The following ECHDC1 variants were observed in gnomAD, a reference collection of about 807,000 sequenced individuals.
ECHDC1 encodes the protein ethylmalonyl-CoA decarboxylase.
A neutral mutation model predicts 29.7 loss-of-function variants in ECHDC1; 29 were observed. That is an observed-to-expected ratio of 0.98 (90% CI 0.73 to 1.33). ECHDC1 has a LOEUF of 1.33. ECHDC1 is among the 40% of genes most tolerant of loss of function. The pLI is 0.00. For missense variants in ECHDC1, 328 were observed against 350.0 expected, an observed-to-expected ratio of 0.94 and a Z score of 0.50; for synonymous variants, 126 against 123.1, an observed-to-expected ratio of 1.02 and a Z score of -0.15.
chr6:127,341,882 A>G (rs978087624), intron 1 of ECHDC1, among the ~76,000 whole-genome samples: 1 of 152,262 alleles, frequency 6.6e-6, no homozygotes, highest in African/African-American at 2.4e-5. Flanking sequence ...TTGATTTCAG[A>G]CTGTCTGTAT....
rs117185725 is a variant in ECHDC1, at chr6:127,325,143, C to G, written c.363+1859G>C. ...GTGATGTGATGAAAATAGAAGCTTA[C>G]CTCTGGTCTTTCTCTCAGAATCCCA... is the stretch of plus-strand genomic sequence containing the variant. On this transcript the variant is annotated intron_variant, in intron 3 of 5. Transcript: ENST00000454859. Among the ~76,000 whole-genome samples the G allele has an allele frequency of 2.1e-4, 32 of 152,316 alleles. 1 individual carries two copies. In the East Asian group the frequency reaches 6.2e-3, roughly 29 times the overall value.
intron 5 of ECHDC1, among the ~76,000 whole-genome samples, chr6:127,302,677 G>C (rs1206040703): frequency 6.6e-6 from 1 of 152,118 alleles, no homozygotes; most frequent in African/African-American, 2.4e-5. Flanking sequence ...TGGAATTACA[G>C]GCCTGACCCA....
chr6:127,317,561 C>T (rs6904065), intron 3 of ECHDC1, among the ~76,000 whole-genome samples: 1,541 of 152,074 alleles, frequency 0.01, 27 homozygotes, highest in African/African-American at 0.035. Context: ...AAAAAAATTG[C>T]ACTATTTGAC....
At chr6:127,340,399 T>A (rs774086945) in intron 1 of ECHDC1, among the ~76,000 whole-genome samples, 1 of 152,174 alleles carries the variant, frequency 6.6e-6, no homozygotes, top group Non-Finnish European at 1.5e-5. Context: ...TCCTCTCTCC[T>A]CTCTGCAACC....
chr6:127,340,124 T>A (rs1209265020), intron 1 of ECHDC1, among the ~76,000 whole-genome samples: 3 of 152,246 alleles, frequency 2.0e-5, no homozygotes, highest in Non-Finnish European at 4.4e-5. Context: ...TACAAAGTCA[T>A]TCTACATATC....
In ECHDC1 at chr6:127,326,990, T is replaced by C. The variant is rs756459884; in HGVS notation, c.363+12A>G. 2.5e-6 allele frequency: 4 copies of C among 1,611,218 alleles called. No individual in the cohort carries two copies. Among genetic ancestry groups the C allele is most frequent in the East Asian group, 2.2e-5 (1 of 44,840 alleles). On this transcript the variant is annotated intron_variant, in intron 3 of 5. Transcript: ENST00000454859. ...CATGTAGAATCAAATGCATAATTCATATAACACTTGCCTCTGGAGTTCCTA... is the reference window on the plus strand; with the variant it reads ...CATGTAGAATCAAATGCATAATTCACATAACACTTGCCTCTGGAGTTCCTA...
At chr6:127,301,030 A>AT (rs1781013943) in intron 5 of ECHDC1, among the ~76,000 whole-genome samples, 1 of 152,194 alleles carries the variant, frequency 6.6e-6, no homozygotes, top group African/African-American at 2.4e-5. Context: ...CCTCACATTA[A>AT]TTTTGTCACT....
At chr6:127,340,858 A>G (rs1784878566) in intron 1 of ECHDC1, among the ~76,000 whole-genome samples, 1 of 152,162 alleles carries the variant, frequency 6.6e-6, no homozygotes, top group South Asian at 2.1e-4. Flanking sequence ...GTGGGAAAGT[A>G]GAATCAGTAA....
chr6:127,306,112 A>G (rs1781418526), intron 5 of ECHDC1, among the ~76,000 whole-genome samples: 1 of 152,146 alleles, frequency 6.6e-6, no homozygotes, highest in Non-Finnish European at 1.5e-5. Context: ...ATGGAAAAAG[A>G]TATTCCATGA....
At chr6:127,318,088 A>G (rs1219303428) in intron 3 of ECHDC1, 4 of 152,238 alleles carry the variant, frequency 2.6e-5, no homozygotes, top group Non-Finnish European at 5.9e-5. Flanking sequence ...CTTATAGAAT[A>G]AAACCTAAAT....
At chr6:127,336,006 A>G (rs1456578293) in intron 1 of ECHDC1, among the ~76,000 whole-genome samples, 2 of 152,136 alleles carry the variant, frequency 1.3e-5, no homozygotes, top group Non-Finnish European at 2.9e-5. Flanking sequence ...CTAGAAAGCT[A>G]GAGGGAACAA....
rs1027710889 is a variant in ECHDC1 at position 127,326,935 on chromosome 6, T to TAA, written c.363+65_363+66dup. The TAA allele has an allele frequency of 2.5e-5, 37 of 1,501,326 alleles. No individual in the cohort carries two copies. In the African/African-American group the frequency reaches 4.5e-4, roughly 18 times the overall value. 93.0% of individuals were successfully genotyped at this position (1,501,326 alleles called of 1,614,324 possible). A position where few individuals can be genotyped will look rare whatever the true frequency, so the allele number is the denominator to read the frequency against. ...AGTCATCATAACCATTAGTAAAATATAAATGTATCTGCCATACATGTCTAA... is the reference window on the plus strand; with the variant it reads ...AGTCATCATAACCATTAGTAAAATATAAAAATGTATCTGCCATACATGTCTAA... On this transcript the variant is annotated intron_variant, in intron 3 of 5. Transcript: ENST00000454859.
chr6:127,340,663 G>A (rs1784852754), intron 1 of ECHDC1, among the ~76,000 whole-genome samples: 1 of 152,106 alleles, frequency 6.6e-6, no homozygotes, highest in Non-Finnish European at 1.5e-5. Flanking sequence ...GTGGGGCAGA[G>A]GCCCCAATTT....
At chr6:127,315,669 AT>A (rs1206424232) in intron 4 of ECHDC1, 3 of 277,406 alleles carry the variant, frequency 1.1e-5, no homozygotes, top group Non-Finnish European at 2.2e-5. Context: ...AGATTTATCT[AT>A]GAAAAAGTCA....
intron 2 of ECHDC1, among the ~76,000 whole-genome samples, chr6:127,329,633 A>G (rs1032094146): frequency 2.6e-5 from 4 of 152,182 alleles, no homozygotes; most frequent in Non-Finnish European, 4.4e-5. Flanking sequence ...TAAAATAAAT[A>G]CCAGATTTCA....
At chr6:127,342,105 AATC>A (rs1336696216) in intron 1 of ECHDC1, among the ~76,000 whole-genome samples, 1 of 152,194 alleles carries the variant, frequency 6.6e-6, no homozygotes, top group African/African-American at 2.4e-5. Flanking sequence ...AGTAACTTCA[AATC>A]ATCTCCTCTA....
chr6:127,305,001 G>C (rs1470136563), intron 5 of ECHDC1, among the ~76,000 whole-genome samples: 1 of 152,018 alleles, frequency 6.6e-6, no homozygotes, highest in East Asian at 1.9e-4. Flanking sequence ...TTATTCAAAG[G>C]AATAATAACA....
chr6:127,307,559 G>A (rs1247741019), intron 5 of ECHDC1, among the ~76,000 whole-genome samples: 1 of 147,528 alleles, frequency 6.8e-6, no homozygotes, highest in African/African-American at 2.5e-5. Context: ...AACCTAGGAG[G>A]TGGAGGAGGT....
intron 1 of ECHDC1, among the ~76,000 whole-genome samples, chr6:127,338,983 T>A (rs1784676623): frequency 6.6e-6 from 1 of 152,208 alleles, no homozygotes; most frequent in South Asian, 2.1e-4. Context: ...TCTCTAGGTA[T>A]GTGTGCTACA....
Sources: gnomAD v4.1 joint callset for allele counts (sites outside exome capture counted in the v4.1 genomes callset) on GRCh38, gnomAD v4.1.1 for gene constraint, MANE v1.5 for transcripts, NCBI Gene and HGNC (gene_info 2026-07-23, HGNC 2026-07-21) for gene names.